SBF2: variants seen among roughly 807,000 people sequenced by gnomAD.
The protein encoded by SBF2 is myotubularin-related protein 13.
A neutral mutation model predicts 225.2 loss-of-function variants in SBF2; 112 were observed. The ratio of observed to expected loss-of-function variants is 0.50; its 90% CI spans 0.43 to 0.58. The LOEUF is 0.58. Ranked by LOEUF, SBF2 falls within the 20% of genes least tolerant of loss-of-function variation. The probability of loss-of-function intolerance (pLI) is 0.00; values close to 1 mark genes in which losing one functional copy is unlikely to be tolerated. For missense variants in SBF2, 1,996 were observed against 2,206.2 expected (o/e 0.90, Z 1.91); for synonymous variants, 763 against 773.3 (o/e 0.99, Z 0.22).
chr11:10,127,988 G>A (rs1021295319), intron 2 of SBF2, among the ~76,000 whole-genome samples: 3 of 152,114 alleles, frequency 2.0e-5, no homozygotes, highest in Admixed American at 2.0e-4. Context: ...AACATTATGT[G>A]AGCATTAAAT....
At chr11:9,977,151 G>T (rs1329098514) in intron 13 of SBF2, among the ~76,000 whole-genome samples, 1 of 152,018 alleles carries the variant, frequency 6.6e-6, no homozygotes, top group Non-Finnish European at 1.5e-5. Context: ...TTCTCACTTT[G>T]TGAAAACATT....
chr11:10,040,152 C>T lies in SBF2; in HGVS notation c.279+2692G>A, dbSNP rs184728298. Among the ~76,000 whole-genome samples, 12 of 152,042 alleles carry T rather than the reference C, an allele frequency of 7.9e-5. No homozygotes were observed. In the East Asian group the frequency reaches 2.1e-3, roughly 27 times the overall value. On this transcript the variant is annotated intron_variant, in intron 3 of 39. Transcript: ENST00000256190. Reference sequence around the variant, plus strand: ...TGATTGATGAACAGTAGGATATTTGCATAGTGTTAGAGTGTCTTCTAGTAG... The same window carrying T: ...TGATTGATGAACAGTAGGATATTTGTATAGTGTTAGAGTGTCTTCTAGTAG...
intron 2 of SBF2, among the ~76,000 whole-genome samples, chr11:10,072,458 T>C (rs528392811): frequency 2.0e-5 from 3 of 152,320 alleles, no homozygotes; most frequent in East Asian, 1.9e-4. Context: ...CAGGAAACAG[T>C]TGAAGATATA....
At chr11:10,046,277 C>T (rs1476127041) in intron 2 of SBF2, among the ~76,000 whole-genome samples, 1 of 152,146 alleles carries the variant, frequency 6.6e-6, no homozygotes, top group Non-Finnish European at 1.5e-5. Context: ...CTTCTTCATT[C>T]TATGAGGCCA....
chr11:10,130,489 T>G (rs1953988128), intron 2 of SBF2, among the ~76,000 whole-genome samples: 1 of 152,170 alleles, frequency 6.6e-6, no homozygotes, highest in Admixed American at 6.5e-5. Flanking sequence ...TGAGGTCCCC[T>G]GTACTCTTTA....
intron 1 of SBF2, among the ~76,000 whole-genome samples, chr11:10,258,323 G>A (rs55868496): frequency 0.054 from 8,170 of 152,156 alleles, 302 homozygotes; most frequent in Middle Eastern, 0.14. Context: ...GCCCAGACAG[G>A]TCTGAAGCTC....
intron 2 of SBF2, among the ~76,000 whole-genome samples, chr11:10,161,069 C>T (rs189458920): frequency 4.2e-4 from 64 of 151,848 alleles, no homozygotes; most frequent in Non-Finnish European, 7.1e-4. Context: ...CGCCTGTAAT[C>T]CCAGCTACTC....
intron 28 of SBF2, among the ~76,000 whole-genome samples, chr11:9,817,351 T>C (rs1854507055): frequency 6.6e-6 from 1 of 152,180 alleles, no homozygotes; most frequent in East Asian, 1.9e-4. Flanking sequence ...AAACAAAACA[T>C]GCTGGCAGGA....
chr11:9,806,670 C>A (rs1564871337), intron 32 of SBF2, among the ~76,000 whole-genome samples: 1 of 152,174 alleles, frequency 6.6e-6, no homozygotes. Flanking sequence ...TTGGACAGAT[C>A]AATTGAAATT....
intron 16 of SBF2, among the ~76,000 whole-genome samples, chr11:9,947,330 C>T (rs1244631711): frequency 6.6e-6 from 1 of 152,126 alleles, no homozygotes; most frequent in Admixed American, 6.5e-5. Context: ...AGAAAAATGT[C>T]TATGACCGCT....
intron 17 of SBF2, among the ~76,000 whole-genome samples, chr11:9,872,512 T>A (rs1241089177): frequency 6.6e-6 from 1 of 152,152 alleles, no homozygotes; most frequent in Non-Finnish European, 1.5e-5. Flanking sequence ...GAACAGAGAT[T>A]TCACCAGAGA....
chr11:9,939,280 T>C (rs930228993), intron 16 of SBF2, among the ~76,000 whole-genome samples: 6 of 152,042 alleles, frequency 3.9e-5, no homozygotes, highest in Non-Finnish European at 8.8e-5. Context: ...CTATTTTAAG[T>C]AGAGACGGGG....
intron 2 of SBF2, among the ~76,000 whole-genome samples, chr11:10,189,106 A>C (rs189357950): frequency 6.6e-6 from 1 of 152,296 alleles, no homozygotes; most frequent in East Asian, 1.9e-4. Context: ...ACCTTTTATA[A>C]ACTTTTTAAA....
In SBF2 at chr11:9,787,591, C is replaced by G. The variant is rs1010245789; in HGVS notation, c.5037+43G>C. 9.7e-6 allele frequency: 15 copies of G among 1,549,316 alleles called. No homozygotes were observed. In the South Asian group the frequency reaches 1.7e-4, roughly 17 times the overall value. On this transcript the variant is annotated intron_variant, in intron 36 of 39. Coordinates refer to ENST00000256190, the MANE Select transcript of SBF2 (RefSeq NM_030962.4). ...CAGGCTCCACCTGACTTAGCACCCT[C>G]AGAAAGCTCAGAAGTGGCTCTCAAG...
intron 2 of SBF2, among the ~76,000 whole-genome samples, chr11:10,139,140 G>C (rs1330597818): frequency 6.6e-6 from 1 of 152,160 alleles, no homozygotes; most frequent in Non-Finnish European, 1.5e-5. Context: ...TTGGGAAGGA[G>C]TGTGTATTAT....
rs563107241 is a variant in SBF2 at position 10,057,431 on chromosome 11, G to A, written c.142-14450C>T. On this transcript the variant is annotated intron_variant, in intron 2 of 39. Coordinates refer to ENST00000256190, the MANE Select transcript of SBF2 (RefSeq NM_030962.4). ...CAACAAGTGGCAGCTGACCCAAGGA[G>A]AGGAGGCCAGTCTTTCTCCCATGGG... 3.9e-5 allele frequency among the ~76,000 whole-genome samples: 6 copies of A among 152,314 alleles called. No individual in the cohort carries two copies. The South Asian group carries it at 1.0e-3, about 26-fold the overall frequency.
At chr11:9,992,320 TTTG>T in intron 12 of SBF2, 92 bp downstream of exon 12, 1 of 927,164 alleles carries the variant, frequency 1.1e-6, no homozygotes, top group Non-Finnish European at 1.6e-6. Context: ...CTAATTTATA[TTTG>T]ACTATATAAA....
At chr11:10,251,917 T>A (rs1461308849) in intron 1 of SBF2, among the ~76,000 whole-genome samples, 1 of 152,200 alleles carries the variant, frequency 6.6e-6, no homozygotes. Flanking sequence ...AGGGAGAAGC[T>A]GACCAAAATG....
intron 2 of SBF2, among the ~76,000 whole-genome samples, chr11:10,058,623 T>C (rs1256422005): frequency 6.6e-6 from 1 of 152,144 alleles, no homozygotes; most frequent in Non-Finnish European, 1.5e-5. Context: ...TTCCCCAACC[T>C]TGTTAGAGAG....
Sources: allele counts gnomAD v4.1 joint callset (sites outside exome capture counted in the v4.1 genomes callset), GRCh38; gene constraint gnomAD v4.1.1; transcripts MANE v1.5; gene names NCBI Gene and HGNC (gene_info 2026-07-23, HGNC 2026-07-21).